IL10RB: variants seen among roughly 807,000 people sequenced by gnomAD.
IL10RB encodes the protein interleukin-10 receptor subunit beta.
A neutral mutation model predicts 38.7 loss-of-function variants in IL10RB; 30 were observed. The observed-to-expected ratio is 0.78, with a 90% CI of 0.58 to 1.05. The LOEUF is 1.05. Among genes scored for constraint, IL10RB ranks in the 50% least tolerant of loss-of-function variants. The pLI is 0.00. For missense variants in IL10RB, 328 were observed against 397.1 expected, an observed-to-expected ratio of 0.83 and a Z score of 1.48; for synonymous variants, 142 against 145.9, an observed-to-expected ratio of 0.97 and a Z score of 0.19.
chr21:33,293,534 T>G (rs1393876194), intron 6 of IL10RB, among the ~76,000 whole-genome samples: 1 of 152,010 alleles, frequency 6.6e-6, no homozygotes, highest in Non-Finnish European at 1.5e-5. Context: ...CTACAGAGAG[T>G]GCCAGGCCGA....
chr21:33,281,873 G>A (rs1268928371), intron 4 of IL10RB, among the ~76,000 whole-genome samples: 2 of 152,128 alleles, frequency 1.3e-5, no homozygotes, highest in Non-Finnish European at 2.9e-5. Context: ...TTCCTGTTGG[G>A]AGAAAGTGAG....
chr21:33,277,100 G>T (rs1010123183), intron 3 of IL10RB, among the ~76,000 whole-genome samples: 8 of 152,142 alleles, frequency 5.3e-5, no homozygotes, highest in African/African-American at 1.9e-4. Context: ...CTTAAACAAA[G>T]AAACATAACG....
intron 1 of IL10RB, among the ~76,000 whole-genome samples, chr21:33,304,827 G>A (rs8128184): frequency 0.077 from 11,651 of 152,236 alleles, 594 homozygotes; most frequent in African/African-American, 0.13. Flanking sequence ...TTACAAAATG[G>A]CTTTTATTGG....
At position 33,276,592 on chromosome 21, in the gene IL10RB, G is replaced by A; in HGVS notation, c.174-4G>A. 1.2e-6 allele frequency: 2 copies of A among 1,611,732 alleles called. No individual in the cohort carries two copies. The highest frequency in any genetic ancestry group is 1.7e-6 in the Non-Finnish European group (2 of 1,177,906). ...CTGATTGACCTATCTTTTTGATTGT[G>A]TAGTTATAGGATATTCCAAGATAAA... On this transcript the variant is annotated splice_polypyrimidine_tract_variant and splice_region_variant and intron_variant, in intron 2 of 6. Coordinates refer to ENST00000290200, the MANE Select transcript of IL10RB (RefSeq NM_000628.5).
chr21:33,278,821 C>T (rs371523519), intron 3 of IL10RB, among the ~76,000 whole-genome samples: 4 of 152,272 alleles, frequency 2.6e-5, no homozygotes, highest in African/African-American at 4.8e-5. Flanking sequence ...GGTTTTCAGA[C>T]GAGCACTTTA....
At chr21:33,286,184 A>C (rs1354927424) in intron 5 of IL10RB, among the ~76,000 whole-genome samples, 1 of 152,208 alleles carries the variant, frequency 6.6e-6, no homozygotes, top group African/African-American at 2.4e-5. Flanking sequence ...AGGAGTGTGC[A>C]CTGTGAGCCA....
At chr21:33,284,397 GT>G (rs1989337473) in intron 5 of IL10RB, among the ~76,000 whole-genome samples, 1 of 151,966 alleles carries the variant, frequency 6.6e-6, no homozygotes, top group South Asian at 2.1e-4. Flanking sequence ...AAACAAAAGG[GT>G]ATGAGCCATT....
intron 6 of IL10RB, among the ~76,000 whole-genome samples, chr21:33,292,165 G>A (rs925229702): frequency 3.9e-5 from 6 of 152,076 alleles, no homozygotes; most frequent in Non-Finnish European, 8.8e-5. Flanking sequence ...CTTCCCCAGG[G>A]CCCCTGACCA....
intron 1 of IL10RB, among the ~76,000 whole-genome samples, chr21:33,306,251 A>C (rs2123616067): frequency 6.6e-6 from 1 of 152,310 alleles, no homozygotes; most frequent in African/African-American, 2.4e-5. Flanking sequence ...TGAGAAAAGA[A>C]TATAAGAACA....
rs1035733961 is a variant in IL10RB, at chr21:33,283,091, T to A, written c.499-3T>A. 7.4e-6 allele frequency: 12 copies of A among 1,610,974 alleles called. No homozygotes were observed. In the African/African-American group the frequency reaches 1.5e-4, roughly 20 times the overall value. ...ATGTTCTTATTTTTGTCTCCATTAC[T>A]AGTTTCAAATTACTCCCCAGTATGA... On this transcript the variant is annotated splice_region_variant and splice_polypyrimidine_tract_variant and intron_variant, in intron 4 of 6. Transcript: ENST00000290200.
At chr21:33,268,168 C>T (rs1006375682) in intron 1 of IL10RB, 18 of 1,400,310 alleles carry the variant, frequency 1.3e-5, no homozygotes. Flanking sequence ...TCCAAGGCTC[C>T]TTTGTCTGTC....
At chr21:33,286,043 G>A (rs1426640092) in intron 5 of IL10RB, among the ~76,000 whole-genome samples, 2 of 152,196 alleles carry the variant, frequency 1.3e-5, no homozygotes, top group East Asian at 3.9e-4. Flanking sequence ...AGGAGCTGGG[G>A]AGATGGGAGG....
chr21:33,277,472 G>A (rs751960854), intron 3 of IL10RB, among the ~76,000 whole-genome samples: 29 of 151,948 alleles, frequency 1.9e-4, no homozygotes, highest in Non-Finnish European at 3.5e-4. Flanking sequence ...AATTGAGAGA[G>A]TAAAGAAGAT....
At chr21:33,268,045 G>T in intron 1 of IL10RB, 1 of 395,926 alleles carries the variant, frequency 2.5e-6, no homozygotes, top group Admixed American at 3.8e-5. Flanking sequence ...ATTGACCTCA[G>T]CTTTTATGCA....
At position 33,266,578 on chromosome 21, in the gene IL10RB, G is replaced by A. The variant is rs1988949513; in HGVS notation, c.49+64G>A. 3 of 1,493,592 alleles carry A rather than the reference G, an allele frequency of 2.0e-6. No homozygotes were observed. The East Asian group carries it at 7.4e-5, about 37-fold the overall frequency. 92.5% of individuals were successfully genotyped at this position (1,493,592 alleles called of 1,614,324 possible). A position where few individuals can be genotyped will look rare whatever the true frequency, so the allele number is the denominator to read the frequency against. On this transcript the variant is annotated intron_variant, in intron 1 of 6. Transcript: ENST00000290200. ...GGAGGCCCCGCGAGATGCCGCCCCT[G>A]ATCCCATCCCTGGGCGCCCTGCAAG...
chr21:33,286,171 T>G (rs1295171784), intron 5 of IL10RB, among the ~76,000 whole-genome samples: 1 of 152,120 alleles, frequency 6.6e-6, no homozygotes, highest in Non-Finnish European at 1.5e-5. Context: ...CCTCAGACGT[T>G]TAAGGAGTGT....
chr21:33,288,060 C>T (rs764219556), intron 5 of IL10RB, 44 bp from the exon 6 acceptor site: 2 of 1,595,798 alleles, frequency 1.3e-6, no homozygotes, highest in South Asian at 1.1e-5. Flanking sequence ...ATCACTGTGA[C>T]CCGACCTGTG....
chr21:33,288,278 G>A lies in IL10RB; in HGVS notation c.804+17G>A, dbSNP rs369971241. The A allele has an allele frequency of 2.5e-5, 40 of 1,611,712 alleles. No individual in the cohort carries two copies. The African/African-American group carries it at 4.1e-4, about 17-fold the overall frequency. On this transcript the variant is annotated intron_variant, in intron 6 of 6. Transcript: ENST00000290200. Reference sequence around the variant, plus strand: ...CTGAAAGAGGTAGGTAGGATGGAGTGAGATGTGGATTTGAAAACCTTGATC... The same window carrying A: ...CTGAAAGAGGTAGGTAGGATGGAGTAAGATGTGGATTTGAAAACCTTGATC...
intron 2 of IL10RB, among the ~76,000 whole-genome samples, chr21:33,269,689 C>T (rs1170123887): frequency 6.2e-5 from 9 of 144,708 alleles, no homozygotes. Context: ...GACGGAGTCT[C>T]GCTCTGTCAC....
Sources: gnomAD v4.1 joint callset for allele counts (sites outside exome capture counted in the v4.1 genomes callset) on GRCh38, gnomAD v4.1.1 for gene constraint, MANE v1.5 for transcripts, NCBI Gene and HGNC (gene_info 2026-07-23, HGNC 2026-07-21) for gene names.